Variants in ATP2B2 observed in about 807,000 individuals in gnomAD.
ATP2B2 encodes the protein plasma membrane calcium-transporting ATPase 2.
Under a neutral mutation model 120.0 loss-of-function variants are expected in ATP2B2, and 15 were observed. That is an observed-to-expected ratio of 0.12 (90% CI 0.08 to 0.19). The LOEUF (loss-of-function observed/expected upper bound fraction) is 0.19, where lower values mean the gene tolerates loss of function less well. Ranked by LOEUF, ATP2B2 falls within the 10% of genes least tolerant of loss-of-function variation. The probability of loss-of-function intolerance (pLI) is 1.00; values close to 1 mark genes in which losing one functional copy is unlikely to be tolerated. For missense variants in ATP2B2, 1,045 were observed against 1,719.8 expected (o/e 0.61, Z 6.94); for synonymous variants, 694 against 700.3 (o/e 0.99, Z 0.14).
intron 1 of ATP2B2, among the ~76,000 whole-genome samples, chr3:10,700,108 G>A (rs1430853839): frequency 2.0e-5 from 3 of 152,160 alleles, no homozygotes; most frequent in African/African-American, 7.2e-5. Flanking sequence ...AGTCATGTGA[G>A]ACAGGATTGG....
chr3:10,649,385 G>C (rs938862580), intron 1 of ATP2B2, among the ~76,000 whole-genome samples: 2 of 152,026 alleles, frequency 1.3e-5, no homozygotes, highest in Non-Finnish European at 2.9e-5. Context: ...CTCCCTAAAG[G>C]GTCCCATAAG....
chr3:10,687,669 T>C (rs1340082190), intron 1 of ATP2B2, among the ~76,000 whole-genome samples: 4 of 152,198 alleles, frequency 2.6e-5, no homozygotes, highest in African/African-American at 4.8e-5. Flanking sequence ...AGGACCAGCC[T>C]GGCCAAGATG....
At chr3:10,334,040 G>A (rs776221833) in intron 22 of ATP2B2, among the ~76,000 whole-genome samples, 9 of 152,390 alleles carry the variant, frequency 5.9e-5, no homozygotes, top group South Asian at 2.1e-4. Context: ...CTTTGCAAAT[G>A]AGGCAGAAGA....
At chr3:10,377,509 C>A (rs1248397304) in intron 10 of ATP2B2, among the ~76,000 whole-genome samples, 2 of 152,220 alleles carry the variant, frequency 1.3e-5, no homozygotes, top group Non-Finnish European at 2.9e-5. Context: ...TACCTCCTTA[C>A]CCGGGAGGGG....
At chr3:10,397,961 T>G (rs1471331364) in intron 5 of ATP2B2, among the ~76,000 whole-genome samples, 1 of 152,038 alleles carries the variant, frequency 6.6e-6, no homozygotes, top group African/African-American at 2.4e-5. Flanking sequence ...CCCTATGAGT[T>G]TGAGCTGAGC....
chr3:10,569,775 C>T (rs1001866300), intron 2 of ATP2B2, among the ~76,000 whole-genome samples: 5 of 152,150 alleles, frequency 3.3e-5, no homozygotes, highest in African/African-American at 1.2e-4. Context: ...TGAGGGTCAA[C>T]AACCGGAGGC....
At chr3:10,457,157 G>A (rs568434035) in intron 1 of ATP2B2, among the ~76,000 whole-genome samples, 1 of 152,188 alleles carries the variant, frequency 6.6e-6, no homozygotes, top group South Asian at 2.1e-4. Context: ...TGCAGGGTGG[G>A]TGTGGGTGTG....
chr3:10,572,825 A>G (rs1158826257), intron 2 of ATP2B2, among the ~76,000 whole-genome samples: 1 of 152,166 alleles, frequency 6.6e-6, no homozygotes, highest in African/African-American at 2.4e-5. Context: ...TCATTGGGGG[A>G]AACTGAGGCT....
intron 3 of ATP2B2, among the ~76,000 whole-genome samples, chr3:10,408,461 C>T (rs1056062196): frequency 2.6e-5 from 4 of 152,152 alleles, no homozygotes; most frequent in Admixed American, 2.6e-4. Flanking sequence ...AGGGCGTGGG[C>T]TTCCGGAGAA....
intron 1 of ATP2B2, among the ~76,000 whole-genome samples, chr3:10,472,828 C>T (rs1274090258): frequency 6.6e-6 from 1 of 152,198 alleles, no homozygotes; most frequent in Admixed American, 6.5e-5. Context: ...TAAGTGACAA[C>T]CCTACAGTAG....
chr3:10,461,696 C>T (rs1252586955), intron 1 of ATP2B2, among the ~76,000 whole-genome samples: 1 of 152,152 alleles, frequency 6.6e-6, no homozygotes, highest in Non-Finnish European at 1.5e-5. Flanking sequence ...TGTCCTCGTG[C>T]TTTGGGGCTC....
intron 6 of ATP2B2, among the ~76,000 whole-genome samples, chr3:10,386,765 C>T (rs1009358975): frequency 1.3e-5 from 2 of 152,184 alleles, no homozygotes; most frequent in African/African-American, 4.8e-5. Flanking sequence ...CTCCCCCAGG[C>T]TTCCTCTGCC....
intron 2 of ATP2B2, among the ~76,000 whole-genome samples, chr3:10,419,545 G>A (rs2062902139): frequency 6.6e-6 from 1 of 152,212 alleles, no homozygotes. Context: ...CCTAGATCGG[G>A]AGACCTGGTT....
At chr3:10,698,094 A>C (rs1334920019) in intron 1 of ATP2B2, among the ~76,000 whole-genome samples, 1 of 152,218 alleles carries the variant, frequency 6.6e-6, no homozygotes, top group African/African-American at 2.4e-5. Flanking sequence ...CAACTGACTC[A>C]GAGATAAGTC....
chr3:10,582,499 C>A (rs757409829), intron 2 of ATP2B2, among the ~76,000 whole-genome samples: 1 of 152,150 alleles, frequency 6.6e-6, no homozygotes, highest in African/African-American at 2.4e-5. Context: ...AATAAACTAT[C>A]GAGATCATTG....
chr3:10,622,123 GC>G (rs958983127), intron 1 of ATP2B2, among the ~76,000 whole-genome samples: 2 of 151,906 alleles, frequency 1.3e-5, no homozygotes, highest in African/African-American at 4.8e-5. Flanking sequence ...TGCTCCAGGG[GC>G]CCCCCTAGGC....
At chr3:10,469,895 G>A (rs1287287763) in intron 1 of ATP2B2, among the ~76,000 whole-genome samples, 2 of 152,096 alleles carry the variant, frequency 1.3e-5, no homozygotes, top group South Asian at 2.1e-4. Context: ...CTCCCAGCTC[G>A]CGCCTTGGTT....
intron 1 of ATP2B2, among the ~76,000 whole-genome samples, chr3:10,663,474 G>C (rs894379449): frequency 6.6e-6 from 1 of 152,148 alleles, no homozygotes; most frequent in African/African-American, 2.4e-5. Flanking sequence ...CTGATGCTGA[G>C]GGGGAGCTCT....
chr3:10,458,876 C>T (rs1049471112), intron 1 of ATP2B2, among the ~76,000 whole-genome samples: 13 of 152,246 alleles, frequency 8.5e-5, no homozygotes, highest in Middle Eastern at 6.3e-3. Flanking sequence ...CTTTGCATCC[C>T]CTTGTCCTTC....
Sources: gnomAD v4.1 joint callset for allele counts (sites outside exome capture counted in the v4.1 genomes callset) on GRCh38, gnomAD v4.1.1 for gene constraint, MANE v1.5 for transcripts, NCBI Gene and HGNC (gene_info 2026-07-23, HGNC 2026-07-21) for gene names.